The following GREB1 variants were observed in gnomAD, a reference collection of about 807,000 sequenced individuals.
GREB1 encodes the protein growth regulating estrogen receptor binding 1.
Under a neutral mutation model 200.7 loss-of-function variants are expected in GREB1, and 106 were observed. The ratio of observed to expected loss-of-function variants is 0.53; its 90% CI spans 0.45 to 0.62. GREB1 has a LOEUF of 0.62. Among genes scored for constraint, GREB1 ranks in the 20% least tolerant of loss-of-function variants. GREB1 has a pLI of 0.00. For synonymous variants in GREB1, 1,132 were observed against 1,092.4 expected, an observed-to-expected ratio of 1.04 and a Z score of -0.72; for missense variants, 2,243 against 2,556.8, an observed-to-expected ratio of 0.88 and a Z score of 2.65.
At position 11,490,326 on chromosome 2, in the gene GREB1, C is replaced by T. The variant is rs7587473; in HGVS notation, c.-159+7945C>T. On this transcript the variant is annotated intron_variant, in intron 1 of 2. Transcript: ENST00000628795. Reference sequence around the variant, plus strand: ...CCATGTAATATGTGGACTTTTGTGTCGAGCTTCTTTTACTCGGCATGTGTT... The same window carrying T: ...CCATGTAATATGTGGACTTTTGTGTTGAGCTTCTTTTACTCGGCATGTGTT... 2.1e-3 allele frequency among the ~76,000 whole-genome samples: 314 copies of T among 152,248 alleles called. 3 individuals are homozygous for T. The highest frequency in any genetic ancestry group is 7.3e-3 in the African/African-American group (305 of 41,544).
At chr2:11,582,984 G>A (rs16857668) in intron 7 of GREB1, among the ~76,000 whole-genome samples, 46,974 of 152,004 alleles carry the variant, frequency 0.31, 8,133 homozygotes, top group Admixed American at 0.43. Flanking sequence ...CTGGGACAGA[G>A]CGGGCAGGAT....
intron 1 of GREB1, among the ~76,000 whole-genome samples, chr2:11,505,093 A>G (rs1673145652): frequency 6.6e-6 from 1 of 151,988 alleles, no homozygotes; most frequent in Non-Finnish European, 1.5e-5. Flanking sequence ...AACCATGCCC[A>G]GCTAATTTTT....
In GREB1 at chr2:11,591,767, A is replaced by G. The variant is rs971887711; in HGVS notation, c.1346-1009A>G. ...GGATTTATAAAGGTGAATATTTGGA[A>G]GAAATAAGAGAATCCACAATAGAGA... is the stretch of plus-strand genomic sequence containing the variant. On this transcript the variant is annotated intron_variant, in intron 10 of 32. Transcript: ENST00000381486. The G allele has an allele frequency of 6.0e-5, 17 of 284,474 alleles. No homozygotes were observed. The Admixed American group carries it at 6.6e-4, about 11-fold the overall frequency. The allele number at this position is 284,474 out of a possible 1,614,324, so 17.6% of individuals were successfully genotyped here.
At chr2:11,488,351 A>G (rs1181354353) in intron 1 of GREB1, among the ~76,000 whole-genome samples, 1 of 152,170 alleles carries the variant, frequency 6.6e-6, no homozygotes, top group African/African-American at 2.4e-5. Flanking sequence ...ACCTCCTGGA[A>G]AGTGCGCATT....
At chr2:11,530,305 A>C (rs1319812189), upstream of GREB1, among the ~76,000 whole-genome samples, 1 of 151,424 alleles carries the variant, frequency 6.6e-6, no homozygotes, top group Admixed American at 6.6e-5. Context: ...CAAGTGATCC[A>C]CCCACTTTGG....
intron 1 of GREB1, among the ~76,000 whole-genome samples, chr2:11,552,013 C>T (rs571645318): frequency 1.3e-5 from 2 of 152,248 alleles, no homozygotes; most frequent in African/African-American, 4.8e-5. Flanking sequence ...TACTCCGTCT[C>T]TCTTACTGTC....
chr2:11,596,474 GT>G (rs1681225512), intron 13 of GREB1, among the ~76,000 whole-genome samples: 1 of 2,074 alleles, frequency 4.8e-4, no homozygotes, highest in Non-Finnish European at 2.5e-3. Context: ...GGTATGCACA[GT>G]GAGGGGGTGG....
intron 23 of GREB1, among the ~76,000 whole-genome samples, chr2:11,624,641 G>C (rs1035541871): frequency 6.6e-6 from 1 of 152,188 alleles, no homozygotes; most frequent in East Asian, 1.9e-4. Flanking sequence ...CACCATGCCC[G>C]GCCAAGATAC....
intron 17 of GREB1, among the ~76,000 whole-genome samples, chr2:11,607,564 ACG>A (rs371514763): frequency 0.02 from 1,661 of 83,810 alleles, 38 homozygotes; most frequent in African/African-American, 0.085. Flanking sequence ...ACATATATAT[ACG>A]CATATATACA....
intron 1 of GREB1, among the ~76,000 whole-genome samples, chr2:11,521,913 T>G (rs886293722): frequency 5.3e-5 from 8 of 152,204 alleles, no homozygotes; most frequent in Non-Finnish European, 1.2e-4. Flanking sequence ...CAGGCCCTGT[T>G]CCCACACGTG....
chr2:11,570,351 T>C (rs1023498856), intron 4 of GREB1, among the ~76,000 whole-genome samples: 3 of 149,642 alleles, frequency 2.0e-5, no homozygotes, highest in Non-Finnish European at 3.0e-5. Context: ...TGCAGTGAGC[T>C]GAGATGAAGC....
intron 1 of GREB1, among the ~76,000 whole-genome samples, chr2:11,523,374 C>A (rs1055753693): frequency 1.7e-4 from 26 of 152,208 alleles, no homozygotes; most frequent in Non-Finnish European, 3.2e-4. Context: ...GCACCCTAAA[C>A]CTAAAATAAA....
At chr2:11,530,610 T>C (rs1453736356), upstream of GREB1, among the ~76,000 whole-genome samples, 1 of 147,684 alleles carries the variant, frequency 6.8e-6, no homozygotes, top group Non-Finnish European at 1.5e-5. Flanking sequence ...AAATCCATCA[T>C]GTTGTTAAAA....
chr2:11,598,838 C>T lies in GREB1; in HGVS notation c.2311C>T (p.His771Tyr). 1 of 1,614,024 alleles carries T rather than the reference C, an allele frequency of 6.2e-7. No homozygotes were observed. Among genetic ancestry groups the T allele is most frequent in the Non-Finnish European group, 8.5e-7 (1 of 1,179,906 alleles). ...PHTLFVLIHD[H>Y]AHWDLVSSTV... is the part of the protein sequence containing the mutation. Reference sequence around the variant, plus strand: ...TACACTTTTTGTCCTAATCCATGACCATGCGCACTGGGATCTTGTGAGGTT... The same window carrying T: ...TACACTTTTTGTCCTAATCCATGACTATGCGCACTGGGATCTTGTGAGGTT... Residue 771 changes from histidine to tyrosine, a missense_variant, in exon 15 of 33, where the codon CAT becomes TAT. His to Tyr is a moderately conservative substitution (Grantham distance 83, BLOSUM62 2). Around this residue, in one of 3 missense-constraint regions of GREB1, gnomAD observed 1,178 missense variants for 1,387.4 expected, o/e 0.85. Transcript: ENST00000381486.
intron 1 of GREB1, among the ~76,000 whole-genome samples, chr2:11,490,965 T>G (rs376287281): frequency 6.6e-6 from 1 of 152,218 alleles, no homozygotes. Context: ...CAAATTAGCT[T>G]CACCATTTTA....
At chr2:11,491,490 AC>A (rs1162937738) in intron 1 of GREB1, among the ~76,000 whole-genome samples, 1 of 152,236 alleles carries the variant, frequency 6.6e-6, no homozygotes, top group Non-Finnish European at 1.5e-5. Flanking sequence ...AGGGCCAATG[AC>A]TTAATTCTTA....
rs1572197563 is a variant in GREB1 at position 11,629,352 on chromosome 2, A to G, written c.4450-596A>G. On this transcript the variant is annotated intron_variant, in intron 25 of 32. Coordinates refer to ENST00000381486, the MANE Select transcript of GREB1 (RefSeq NM_014668.4). The surrounding 1 kb of genome is among the most constrained non-coding windows in gnomAD (Gnocchi z 5.2). ...GCTCCTGGGAAGTGGAGGCTGGAGGAGGTGACTAAGGGCGCAGCCAGACTT... is the reference window on the plus strand; with the variant it reads ...GCTCCTGGGAAGTGGAGGCTGGAGGGGGTGACTAAGGGCGCAGCCAGACTT... Among the ~76,000 whole-genome samples, 1 of 152,050 alleles carries G rather than the reference A, an allele frequency of 6.6e-6. No homozygotes were observed. Among genetic ancestry groups the G allele is most frequent in the South Asian group, 2.1e-4 (1 of 4,828 alleles).
chr2:11,565,771 G>A (rs890514234), intron 3 of GREB1, among the ~76,000 whole-genome samples: 18 of 152,124 alleles, frequency 1.2e-4, no homozygotes, highest in South Asian at 2.1e-4. Flanking sequence ...ACCCCCTAGC[G>A]GAAACTGACG....
At position 11,633,562 on chromosome 2, in the gene GREB1, T is replaced by TTA. The variant is rs1553384148; in HGVS notation, c.4991+499_4991+500insTA. On this transcript the variant is annotated intron_variant, in intron 28 of 32. Coordinates refer to ENST00000381486, the MANE Select transcript of GREB1 (RefSeq NM_014668.4). The surrounding 1 kb of genome is among the most constrained non-coding windows in gnomAD (Gnocchi z 4.1). ...CTGGCAGACAGAGCGAGACTCCGTC[T>TTA]AAAAAAAAAAAAAAGAAAGAAAAAA... 3.0e-5 allele frequency among the ~76,000 whole-genome samples: 4 copies of TTA among 131,684 alleles called. No individual in the cohort carries two copies. The South Asian group carries it at 9.6e-4, about 32-fold the overall frequency. 86.4% of individuals were successfully genotyped at this position (131,684 alleles called of 152,430 possible).
Sources: gnomAD v4.1 joint callset for allele counts (sites outside exome capture counted in the v4.1 genomes callset) on GRCh38, gnomAD v4.1.1 for gene constraint, gnomAD v4.1.1 regional missense constraint, Gnocchi (gnomAD v3.1) non-coding constraint, MANE v1.5 for transcripts, NCBI Gene and HGNC (gene_info 2026-07-23, HGNC 2026-07-21) for gene names.